Variants in TIPIN observed in about 807,000 individuals in gnomAD.
TIPIN encodes TIMELESS interacting protein.
A neutral mutation model predicts 35.6 loss-of-function variants in TIPIN; 29 were observed. The observed-to-expected ratio is 0.82, with a 90% CI of 0.61 to 1.11. TIPIN has a LOEUF of 1.11. TIPIN is among the 50% of genes most tolerant of loss of function. The pLI is 0.00. For missense variants in TIPIN, 296 were observed against 345.4 expected (o/e 0.86, Z 1.13); for synonymous variants, 102 against 121.5 (o/e 0.84, Z 1.06).
intron 1 of TIPIN, among the ~76,000 whole-genome samples, chr15:66,362,291 C>T (rs991192291): frequency 2.8e-4 from 42 of 149,550 alleles, no homozygotes; most frequent in African/African-American, 1.0e-3. Context: ...CAACAAAGAG[C>T]GAAACTCCAT....
chr15:66,368,131 C>G (rs2093264693), intron 1 of TIPIN, among the ~76,000 whole-genome samples: 1 of 152,044 alleles, frequency 6.6e-6, no homozygotes, highest in Non-Finnish European at 1.5e-5. Flanking sequence ...TACGCCCAGC[C>G]TAAATCTTTG....
chr15:66,341,423 A>C (rs889897384), intron 6 of TIPIN, 67 bp from the exon 7 acceptor site: 263 of 1,425,670 alleles, frequency 1.8e-4, no homozygotes, highest in Non-Finnish European at 2.3e-4. Context: ...CTCATTGAAA[A>C]AGAATTTAAA....
At chr15:66,366,905 G>C (rs1331961977) in intron 1 of TIPIN, 1 of 985,288 alleles carries the variant, frequency 1.0e-6, no homozygotes, top group Middle Eastern at 5.2e-4. Context: ...CCATTGGCTG[G>C]GCATGGTGGC....
At chr15:66,385,602 C>A (rs749704187) in intron 1 of TIPIN, among the ~76,000 whole-genome samples, 26 of 151,596 alleles carry the variant, frequency 1.7e-4, no homozygotes, top group Non-Finnish European at 3.4e-4. Context: ...CAATTCTCTG[C>A]CTCAGCCCCC....
chr15:66,379,996 T>TTA, intron 1 of TIPIN: 37 of 465,162 alleles, frequency 8.0e-5, no homozygotes, highest in Non-Finnish European at 1.3e-4. Flanking sequence ...TTTTCTTTCT[T>TTA]TCTTTCTTTT....
At chr15:66,353,594 C>T (rs1005002225) in intron 1 of TIPIN, among the ~76,000 whole-genome samples, 1 of 144,050 alleles carries the variant, frequency 6.9e-6, no homozygotes, top group Non-Finnish European at 1.5e-5. Flanking sequence ...CCAGCCTGGG[C>T]GACAGACCAA....
chr15:66,341,450 C>T (rs1016975307), intron 6 of TIPIN, 94 bp from the exon 7 acceptor site: 27 of 1,054,060 alleles, frequency 2.6e-5, no homozygotes, highest in Non-Finnish European at 3.4e-5. Flanking sequence ...AGGTGACAGA[C>T]CTGAAAAAAC....
chr15:66,385,516 G>T (rs1412842033), intron 1 of TIPIN, among the ~76,000 whole-genome samples: 1 of 151,730 alleles, frequency 6.6e-6, no homozygotes, highest in Non-Finnish European at 1.5e-5. Flanking sequence ...TTGAGACGGG[G>T]TCTCACTCTG....
Position 66,376,324 on chromosome 15 carries a change from TGACA to T in TIPIN, c.-9+10279_-9+10282del, listed in dbSNP as rs370409749. 3.3e-3 allele frequency among the ~76,000 whole-genome samples: 496 copies of T among 152,342 alleles called. 1 individual carries two copies. Among genetic ancestry groups the T allele is most frequent in the Middle Eastern group, 0.017 (5 of 294 alleles). On this transcript the variant is annotated intron_variant, in intron 1 of 7. Transcript: ENST00000562124. Reference sequence around the variant, plus strand: ...TGTATGTCATAATTTACTCTCCTTTTGACAGACAGATTCCAGTTTCTTTTTTTCT... The same window carrying T: ...TGTATGTCATAATTTACTCTCCTTTTGACAGATTCCAGTTTCTTTTTTTCT...
intron 1 of TIPIN, chr15:66,379,879 G>T: frequency 6.3e-7 from 1 of 1,584,388 alleles, no homozygotes; most frequent in South Asian, 1.1e-5. Context: ...ACATTTTCTG[G>T]AATGTCGACA....
At chr15:66,376,317 C>T (rs2093296572) in intron 1 of TIPIN, among the ~76,000 whole-genome samples, 1 of 152,138 alleles carries the variant, frequency 6.6e-6, no homozygotes, top group African/African-American at 2.4e-5. Context: ...ATAATTTACT[C>T]TCCTTTTGAC....
intron 1 of TIPIN, among the ~76,000 whole-genome samples, chr15:66,355,023 A>G (rs985832137): frequency 8.4e-5 from 12 of 142,976 alleles, no homozygotes; most frequent in African/African-American, 3.1e-4. Context: ...TGCTCAATAT[A>G]TATCTTTTTT....
At chr15:66,366,361 A>T (rs1297345483) in intron 1 of TIPIN, among the ~76,000 whole-genome samples, 1 of 151,076 alleles carries the variant, frequency 6.6e-6, no homozygotes, top group Non-Finnish European at 1.5e-5. Context: ...GGCTGAGACA[A>T]GAGGATTGCT....
chr15:66,353,221 G>C (rs577230639), intron 1 of TIPIN, among the ~76,000 whole-genome samples: 2 of 152,032 alleles, frequency 1.3e-5, no homozygotes, highest in Non-Finnish European at 2.9e-5. Context: ...ACCATAAAAA[G>C]ATGAATTTGA....
intron 1 of TIPIN, among the ~76,000 whole-genome samples, chr15:66,364,659 T>C (rs2093246261): frequency 6.6e-6 from 1 of 152,114 alleles, no homozygotes; most frequent in African/African-American, 2.4e-5. Flanking sequence ...ATGCTTGGGT[T>C]CAACAAAGTA....
rs1377348830 is a variant in TIPIN, at chr15:66,378,731, C to A, written c.-9+7876G>T. On this transcript the variant is annotated intron_variant, in intron 1 of 7. Transcript: ENST00000562124. ...ATGATTTCACCTTTCTTTCTTTATT[C>A]TTTTCTTCCATATTTTTTTTTTTGA... Among the ~76,000 whole-genome samples, 7 of 145,924 alleles carry A rather than the reference C, an allele frequency of 4.8e-5. No homozygotes were observed. The East Asian group carries it at 1.4e-3, about 29-fold the overall frequency.
chr15:66,370,973 G>A (rs1019685096), intron 1 of TIPIN, among the ~76,000 whole-genome samples: 2 of 152,172 alleles, frequency 1.3e-5, no homozygotes, highest in Non-Finnish European at 2.9e-5. Context: ...CACTTTGGGA[G>A]GCCAAGGCAT....
intron 1 of TIPIN, chr15:66,386,326 A>C (rs557162192): frequency 1.3e-5 from 2 of 152,210 alleles, no homozygotes; most frequent in South Asian, 4.1e-4. Flanking sequence ...AAAAAAAAAA[A>C]AATCATCAAT....
chr15:66,366,121 G>A (rs1225715464), intron 1 of TIPIN, among the ~76,000 whole-genome samples: 2 of 151,552 alleles, frequency 1.3e-5, no homozygotes, highest in African/African-American at 4.9e-5. Flanking sequence ...AATTGAGTTA[G>A]AGACCCAATT....
Sources: allele counts gnomAD v4.1 joint callset (sites outside exome capture counted in the v4.1 genomes callset), GRCh38; gene constraint gnomAD v4.1.1; transcripts MANE v1.5; gene names NCBI Gene and HGNC (gene_info 2026-07-23, HGNC 2026-07-21).